The following SASH1 variants were observed in gnomAD, a reference collection of about 807,000 sequenced individuals.
SASH1 encodes SAM and SH3 domain containing 1, also known as SAM and SH3 domain-containing protein 1.
In SASH1, 44 loss-of-function variants were observed where a neutral mutation model predicts 125.2. The observed-to-expected ratio is 0.35, with a 90% confidence interval of 0.28 to 0.45. SASH1 has a LOEUF of 0.45. SASH1 is among the 20% of genes least tolerant of loss of function. The probability of loss-of-function intolerance (pLI) is 1.00; values close to 1 mark genes in which losing one functional copy is unlikely to be tolerated. For missense variants in SASH1, 1,426 were observed against 1,614.5 expected (o/e 0.88, Z 2.00); for synonymous variants, 639 against 649.1 (o/e 0.98, Z 0.24).
intron 17 of SASH1, among the ~76,000 whole-genome samples, 196 bp downstream of exon 17, chr6:148,540,752 T>C (rs1223820777): frequency 6.6e-6 from 1 of 152,186 alleles, no homozygotes; most frequent in Non-Finnish European, 1.5e-5. Flanking sequence ...ATAAATTCTG[T>C]GTCAAATACC....
At chr6:148,210,092 G>C in the SASH1 span, among the ~76,000 whole-genome samples, 10 of 152,192 alleles carry the variant, frequency 6.6e-5, no homozygotes, top group African/African-American at 2.2e-4. Flanking sequence ...GCCTTTGGCA[G>C]TATATTACAG....
At chr6:148,380,125 T>C (rs190670709) in intron 1 of SASH1, among the ~76,000 whole-genome samples, 3 of 152,256 alleles carry the variant, frequency 2.0e-5, no homozygotes, top group Admixed American at 2.0e-4. Flanking sequence ...TGTCAGTCAG[T>C]TTTGATTGAG....
Position 148,474,106 on chromosome 6 carries a change from C to T in SASH1, c.515-4C>T, listed in dbSNP as rs1444389674. On this transcript the variant is annotated splice_region_variant and splice_polypyrimidine_tract_variant and intron_variant, in intron 6 of 19. Coordinates refer to ENST00000367467, the MANE Select transcript of SASH1 (RefSeq NM_015278.5). ...TCCTGTTGTTCTTTGTCCTCAATCT[C>T]CAGGAGAAGACGTTGGTTATGTTGC... The T allele has an allele frequency of 6.3e-7, 1 of 1,596,146 alleles. No individual in the cohort carries two copies. The highest frequency in any genetic ancestry group is 8.6e-7 in the Non-Finnish European group (1 of 1,166,154).
intron 2 of SASH1, among the ~76,000 whole-genome samples, chr6:148,419,485 C>T (rs1383929556): frequency 6.6e-6 from 1 of 152,186 alleles, no homozygotes; most frequent in South Asian, 2.1e-4. Flanking sequence ...TCATGTAAGA[C>T]TCTTGATTGT....
chr6:148,215,080 T>C, the SASH1 span, among the ~76,000 whole-genome samples: 1 of 152,202 alleles, frequency 6.6e-6, no homozygotes, highest in African/African-American at 2.4e-5. Context: ...GGGATCATCA[T>C]GGGAATTCTG....
At chr6:148,245,951 C>G in the SASH1 span, among the ~76,000 whole-genome samples, 1 of 151,392 alleles carries the variant, frequency 6.6e-6, no homozygotes, top group African/African-American at 2.4e-5. Context: ...CCACTGTACT[C>G]CAGCCTGGGC....
chr6:148,548,414 C>T lies in SASH1; in HGVS notation c.3600C>T (p.Thr1200=), dbSNP rs199527251. ...GLPMYAGTLS[T]AGFSTLSQVP... is the part of the protein sequence containing the mutation. ...CCATGTACGCCGGCACCCTCTCCAC[C>T]GCGGGCTTCAGCACACTGAGCCAAG... The change falls in exon 20 of 20, where the codon ACC becomes ACT. Residue 1200 remains threonine, a synonymous_variant. Transcript: ENST00000367467. The T allele has an allele frequency of 2.1e-5, 34 of 1,614,212 alleles. 1 individual carries two copies. In the Middle Eastern group the frequency reaches 4.9e-4, roughly 23 times the overall value.
rs549964552 is a variant in SASH1, at chr6:148,324,751, C to T, written n.74+52374C>T. On this transcript the variant is annotated intron_variant and non_coding_transcript_variant, in intron 1 of 3. Coordinates refer to the SASH1 transcript ENST00000367469. ...TAATGCAATTTTATAGGATGACTAACAGTCCTAGTTAGCCTGAGTATGAGG... is the reference window on the plus strand; with the variant it reads ...TAATGCAATTTTATAGGATGACTAATAGTCCTAGTTAGCCTGAGTATGAGG... Among the ~76,000 whole-genome samples the T allele has an allele frequency of 3.9e-5, 6 of 152,328 alleles. No individual in the cohort carries two copies. In the East Asian group the frequency reaches 1.2e-3, roughly 29 times the overall value.
chr6:148,514,162 A>T lies in SASH1; in HGVS notation c.730-162A>T, dbSNP rs1388335788. On this transcript the variant is annotated intron_variant, in intron 8 of 19. Transcript: ENST00000367467. Reference sequence around the variant, plus strand: ...ACGCCGATTTAGATCTTAAGATGGTATGTGGCACTTTGTAAACCTCTTGGG... The same window carrying T: ...ACGCCGATTTAGATCTTAAGATGGTTTGTGGCACTTTGTAAACCTCTTGGG... 4.2e-6 allele frequency: 6 copies of T among 1,421,870 alleles called. No homozygotes were observed. In the East Asian group the frequency reaches 1.6e-4, roughly 38 times the overall value. The allele number at this position is 1,421,870 out of a possible 1,614,324, so 88.1% of individuals were successfully genotyped here.
At chr6:148,483,156 A>G (rs1321366420) in intron 7 of SASH1, among the ~76,000 whole-genome samples, 1 of 152,152 alleles carries the variant, frequency 6.6e-6, no homozygotes, top group African/African-American at 2.4e-5. Context: ...TACTGCCGAG[A>G]GATTGGTCAT....
At chr6:148,414,095 T>C (rs1243125648) in intron 2 of SASH1, among the ~76,000 whole-genome samples, 4 of 152,080 alleles carry the variant, frequency 2.6e-5, no homozygotes, top group African/African-American at 9.7e-5. Context: ...AAAATTTGTG[T>C]CTGTACTTTT....
Position 148,465,447 on chromosome 6 carries a change from G to A in SASH1, c.387-3098G>A, listed in dbSNP as rs546277505. Among the ~76,000 whole-genome samples, 17 of 152,072 alleles carry A rather than the reference G, an allele frequency of 1.1e-4. No homozygotes were observed. The South Asian group carries it at 1.2e-3, about 11-fold the overall frequency. ...TATGCCTGTAGTCCCAGGAGGCTGAGGCAGGAGAATCGCATGAACCTGGGG... is the reference window on the plus strand; with the variant it reads ...TATGCCTGTAGTCCCAGGAGGCTGAAGCAGGAGAATCGCATGAACCTGGGG... On this transcript the variant is annotated intron_variant, in intron 4 of 19. Coordinates refer to ENST00000367467, the MANE Select transcript of SASH1 (RefSeq NM_015278.5).
chr6:148,538,062 G>A (rs1440946365), intron 16 of SASH1, among the ~76,000 whole-genome samples: 2 of 152,138 alleles, frequency 1.3e-5, no homozygotes, highest in Non-Finnish European at 2.9e-5. Flanking sequence ...CTACAGAGGA[G>A]AGGCACCTCA....
At chr6:148,541,493 G>A (rs1782214193) in intron 17 of SASH1, among the ~76,000 whole-genome samples, 9 of 151,936 alleles carry the variant, frequency 5.9e-5, no homozygotes, top group Admixed American at 5.2e-4. Context: ...TGTAATCCTT[G>A]TTTCAGTTAT....
chr6:148,270,684 C>G (rs1582900477), upstream of SASH1, among the ~76,000 whole-genome samples: 1 of 151,812 alleles, frequency 6.6e-6, no homozygotes. Context: ...CTTTTGAAAA[C>G]AAAAAAACAA....
chr6:148,388,264 G>T (rs1783564007), intron 1 of SASH1, among the ~76,000 whole-genome samples: 1 of 151,222 alleles, frequency 6.6e-6, no homozygotes, highest in African/African-American at 2.5e-5. Flanking sequence ...CACAGCAGAG[G>T]CCAGGAGGCT....
At chr6:148,201,176 G>T in the SASH1 span, among the ~76,000 whole-genome samples, 1 of 152,150 alleles carries the variant, frequency 6.6e-6, no homozygotes, top group Admixed American at 6.5e-5. Flanking sequence ...CCACACTGAC[G>T]TAATAATATT....
chr6:148,233,736 T>C, the SASH1 span, among the ~76,000 whole-genome samples: 1 of 21,614 alleles, frequency 4.6e-5, no homozygotes, highest in African/African-American at 6.0e-4. Flanking sequence ...GGCAGCTTCC[T>C]CTCTACAAAA....
intron 2 of SASH1, among the ~76,000 whole-genome samples, chr6:148,390,802 A>G (rs1361002975): frequency 6.6e-6 from 1 of 151,594 alleles, no homozygotes; most frequent in African/African-American, 2.4e-5. Context: ...AAAAAAAAAT[A>G]GATTTTTATT....
Sources: gnomAD v4.1 joint callset for allele counts (sites outside exome capture counted in the v4.1 genomes callset) on GRCh38, gnomAD v4.1.1 for gene constraint, MANE v1.5 for transcripts, NCBI Gene and HGNC (gene_info 2026-07-23, HGNC 2026-07-21) for gene names.